Variants in ZFAT observed in about 807,000 individuals in gnomAD.
The protein encoded by ZFAT is zinc finger protein ZFAT.
A neutral mutation model predicts 117.7 loss-of-function variants in ZFAT; 64 were observed. That is an observed-to-expected ratio of 0.54 (90% CI 0.44 to 0.67). The LOEUF is 0.67. ZFAT is among the 30% of genes least tolerant of loss of function. The pLI is 0.00. For synonymous variants in ZFAT, 679 were observed against 615.0 expected, an observed-to-expected ratio of 1.10 and a Z score of -1.54; for missense variants, 1,433 against 1,584.5, an observed-to-expected ratio of 0.90 and a Z score of 1.62.
chr8:134,618,118 C>G (rs1828871994), intron 3 of ZFAT, among the ~76,000 whole-genome samples: 3 of 152,116 alleles, frequency 2.0e-5, no homozygotes, highest in Non-Finnish European at 4.4e-5. Flanking sequence ...ACTATAAGTC[C>G]AATTGAACCT....
intron 7 of ZFAT, among the ~76,000 whole-genome samples, chr8:134,597,092 G>A (rs1040195513): frequency 3.3e-5 from 5 of 151,738 alleles, no homozygotes; most frequent in African/African-American, 7.3e-5. Context: ...AAAAATCCAC[G>A]TTAACTGTCC....
chr8:134,624,064 C>G (rs927567364), intron 3 of ZFAT, among the ~76,000 whole-genome samples: 1 of 152,130 alleles, frequency 6.6e-6, no homozygotes, highest in African/African-American at 2.4e-5. Context: ...CCACTCCATG[C>G]CTGGTACACA....
chr8:134,512,225 T>A (rs564896736), intron 14 of ZFAT, among the ~76,000 whole-genome samples: 8 of 152,304 alleles, frequency 5.3e-5, no homozygotes, highest in East Asian at 1.9e-4. Context: ...GAATTAAATG[T>A]GGTAAGAGAT....
chr8:134,693,903 G>A (rs1273494416), intron 1 of ZFAT, among the ~76,000 whole-genome samples: 2 of 152,186 alleles, frequency 1.3e-5, no homozygotes, highest in Non-Finnish European at 2.9e-5. Context: ...CCAGCAATGG[G>A]ACAAATCATG....
chr8:134,692,691 G>C (rs1833640524), intron 1 of ZFAT, among the ~76,000 whole-genome samples: 1 of 152,212 alleles, frequency 6.6e-6, no homozygotes, highest in South Asian at 2.1e-4. Flanking sequence ...AACCATAATT[G>C]CACTGAAATA....
At chr8:134,716,541 A>G (rs941173390), upstream of ZFAT, among the ~76,000 whole-genome samples, 3 of 152,188 alleles carry the variant, frequency 2.0e-5, no homozygotes, top group African/African-American at 7.2e-5. Context: ...GGCCCCTTCA[A>G]AGAAGCTAAT....
chr8:134,597,461 A>T (rs1014572385), intron 7 of ZFAT: 2 of 152,130 alleles, frequency 1.3e-5, no homozygotes, highest in Non-Finnish European at 2.9e-5. Flanking sequence ...TCCTGGCCCA[A>T]ATCTACTCAT....
At chr8:134,562,420 C>A (rs771908915) in intron 11 of ZFAT, among the ~76,000 whole-genome samples, 1 of 152,100 alleles carries the variant, frequency 6.6e-6, no homozygotes, top group Non-Finnish European at 1.5e-5. Flanking sequence ...GAAGGGAAGA[C>A]GACAGGGAGA....
chr8:134,486,967 C>T (rs1410612975), intron 15 of ZFAT, among the ~76,000 whole-genome samples: 4 of 152,054 alleles, frequency 2.6e-5, no homozygotes. Context: ...TCTGTATGTA[C>T]AGGTGTGTGT....
At position 134,697,126 on chromosome 8, in the gene ZFAT, A is replaced by T. The variant is rs181170294; in HGVS notation, c.19+15719T>A. Among the ~76,000 whole-genome samples the T allele has an allele frequency of 3.2e-3, 457 of 142,472 alleles. 2 individuals carry two copies. Among genetic ancestry groups the T allele is most frequent in the African/African-American group, 0.012 (437 of 37,438 alleles). 93.5% of individuals were successfully genotyped at this position (142,472 alleles called of 152,430 possible). A position where few individuals can be genotyped will look rare whatever the true frequency, so the allele number is the denominator to read the frequency against. ...TTGGTTTGGTTTGGTTTTGAGATGGAGTCTCACTCCGTTGGTCTCGCTCTG... is the reference window on the plus strand; with the variant it reads ...TTGGTTTGGTTTGGTTTTGAGATGGTGTCTCACTCCGTTGGTCTCGCTCTG... On this transcript the variant is annotated intron_variant, in intron 1 of 15. Coordinates refer to ENST00000377838, the MANE Select transcript of ZFAT (RefSeq NM_020863.4).
intron 10 of ZFAT, among the ~76,000 whole-genome samples, chr8:134,570,060 CT>C (rs1824780826): frequency 1.3e-5 from 2 of 152,142 alleles, no homozygotes; most frequent in South Asian, 4.1e-4. Context: ...CCTCTCAGAG[CT>C]CATGTACTGC....
the ZFAT span, among the ~76,000 whole-genome samples, chr8:134,813,006 G>T: frequency 6.6e-6 from 1 of 152,176 alleles, no homozygotes. Context: ...TGTCTGTGCT[G>T]TTAACTGAGA....
chr8:134,677,343 G>C (rs1832853882), intron 1 of ZFAT, among the ~76,000 whole-genome samples: 1 of 152,184 alleles, frequency 6.6e-6, no homozygotes, highest in Non-Finnish European at 1.5e-5. Context: ...AGAAAATCTA[G>C]AAGAAATGGA....
the ZFAT span, among the ~76,000 whole-genome samples, chr8:134,777,944 T>C: frequency 6.6e-6 from 1 of 152,138 alleles, no homozygotes; most frequent in Non-Finnish European, 1.5e-5. Flanking sequence ...ATCACTCAAA[T>C]GCAAAACACT....
chr8:134,556,062 AGGAAGGAAGGAAG>A lies in ZFAT; in HGVS notation c.2976+9258_2976+9270del, dbSNP rs1405659828. ...AAGGAAGGAAGGAAGGAAGGAAGGAAGGAAGGAAGGAAGGGAAGGAAGGGAGGGAAAAAGAAAA... is the reference window on the plus strand; with the variant it reads ...AAGGAAGGAAGGAAGGAAGGAAGGAAGGAAGGAAGGGAGGGAAAAAGAAAA... On this transcript the variant is annotated intron_variant, in intron 11 of 15. Transcript: ENST00000377838. Among the ~76,000 whole-genome samples, 852 of 105,702 alleles carry A rather than the reference AGGAAGGAAGGAAG, an allele frequency of 8.1e-3. 31 individuals carry two copies. Among genetic ancestry groups the A allele is most frequent in the Admixed American group, 0.052 (570 of 10,954 alleles). The allele number at this position is 105,702 out of a possible 152,430, so 69.3% of individuals were successfully genotyped here. A position where few individuals can be genotyped will look rare whatever the true frequency, so the allele number is the denominator to read the frequency against.
At chr8:134,803,475 A>T in the ZFAT span, among the ~76,000 whole-genome samples, 1 of 152,184 alleles carries the variant, frequency 6.6e-6, no homozygotes, top group African/African-American at 2.4e-5. Context: ...TAGAGTTCAT[A>T]GGAAGGGATG....
intron 3 of ZFAT, among the ~76,000 whole-genome samples, chr8:134,612,748 T>G (rs1356478787): frequency 6.6e-6 from 1 of 152,158 alleles, no homozygotes; most frequent in Non-Finnish European, 1.5e-5. Flanking sequence ...GATGAGATCA[T>G]GAATCAGACA....
intron 5 of ZFAT, 57 bp downstream of exon 5, chr8:134,608,670 CTG>C: frequency 1.3e-6 from 2 of 1,582,666 alleles, no homozygotes; most frequent in Non-Finnish European, 1.7e-6. Context: ...TTCCTGCACT[CTG>C]TGGAGTTCAC....
chr8:134,800,309 ACTC>A, the ZFAT span, among the ~76,000 whole-genome samples: 1 of 152,088 alleles, frequency 6.6e-6, no homozygotes, highest in Non-Finnish European at 1.5e-5. Flanking sequence ...TGTTTTAACT[ACTC>A]CTACTGCAAC....
Sources: allele counts gnomAD v4.1 joint callset (sites outside exome capture counted in the v4.1 genomes callset), GRCh38; gene constraint gnomAD v4.1.1; transcripts MANE v1.5; gene names NCBI Gene and HGNC (gene_info 2026-07-23, HGNC 2026-07-21).